SRGAP2C: variants seen among roughly 807,000 people sequenced by gnomAD.
SRGAP2C encodes SLIT-ROBO Rho GTPase activating protein 2C.
In SRGAP2C, 15 loss-of-function variants were observed where a neutral mutation model predicts 25.1. The ratio of observed to expected loss-of-function variants is 0.60; its 90% CI spans 0.40 to 0.92. The LOEUF (loss-of-function observed/expected upper bound fraction) is 0.92, where lower values mean the gene tolerates loss of function less well. Among genes scored for constraint, SRGAP2C ranks in the 40% least tolerant of loss-of-function variants. The pLI, the probability that SRGAP2C is intolerant of heterozygous loss-of-function variation, is 0.00. For missense variants in SRGAP2C, 144 were observed against 264.4 expected (o/e 0.54, Z 3.16); for synonymous variants, 44 against 96.6 (o/e 0.46, Z 3.19).
At chr1:121,277,400 G>T (rs1657130106) in intron 2 of SRGAP2C, among the ~76,000 whole-genome samples, 1 of 151,758 alleles carries the variant, frequency 6.6e-6, no homozygotes, top group Admixed American at 6.6e-5. Context: ...TCTTTTTTAT[G>T]TATCTTTTAT....
intron 2 of SRGAP2C, among the ~76,000 whole-genome samples, chr1:121,276,970 AT>A (rs1188609739): frequency 3.8e-5 from 2 of 52,616 alleles, no homozygotes; most frequent in Non-Finnish European, 7.6e-5. Flanking sequence ...TCCTGACCTC[AT>A]GATCTGCCTG....
At chr1:121,228,938 G>C (rs1308855538) in intron 2 of SRGAP2C, among the ~76,000 whole-genome samples, 2 of 151,910 alleles carry the variant, frequency 1.3e-5, no homozygotes, top group Admixed American at 1.3e-4. Context: ...AGAGCAGCCT[G>C]GTCCTTAATT....
intron 2 of SRGAP2C, among the ~76,000 whole-genome samples, chr1:121,272,454 C>A (rs1388749938): frequency 9.2e-5 from 14 of 151,502 alleles, no homozygotes; most frequent in African/African-American, 3.4e-4. Flanking sequence ...TAGATGATGG[C>A]ATGGACTTTT....
chr1:121,292,257 A>G (rs1424112503), intron 3 of SRGAP2C, among the ~76,000 whole-genome samples: 7 of 149,980 alleles, frequency 4.7e-5, no homozygotes, highest in African/African-American at 1.5e-4. Flanking sequence ...ATGCAACATT[A>G]GTAACAGCAC....
intron 2 of SRGAP2C, among the ~76,000 whole-genome samples, chr1:121,216,327 G>A (rs1364637726): frequency 5.3e-5 from 8 of 152,114 alleles, no homozygotes; most frequent in South Asian, 4.1e-4. Flanking sequence ...TCTCATTGGG[G>A]TTAGGTTTCC....
At position 121,365,142 on chromosome 1, in the gene SRGAP2C, G is replaced by T. The variant is rs1553349305; in HGVS notation, c.424-151G>T. The stretch of plus-strand genomic sequence containing the variant: ...CTTTGAGTAATCTGACCATAATTGG[G>T]TCTGATTGGAGTGGTTATCTGATTT... On this transcript the variant is annotated intron_variant, in intron 4 of 9. Coordinates refer to ENST00000367123, the MANE Select transcript of SRGAP2C (RefSeq NM_001329984.2). 2.4e-5 allele frequency among the ~76,000 whole-genome samples: 2 copies of T among 83,168 alleles called. 1 individual carries two copies. The highest frequency in any genetic ancestry group is 5.0e-5 in the Non-Finnish European group (2 of 40,144). 54.6% of individuals were successfully genotyped at this position (83,168 alleles called of 152,430 possible). A position where few individuals can be genotyped will look rare whatever the true frequency, so the allele number is the denominator to read the frequency against.
intron 4 of SRGAP2C, among the ~76,000 whole-genome samples, chr1:121,339,242 G>T (rs1358195580): frequency 2.8e-5 from 4 of 143,678 alleles, no homozygotes. Context: ...TGGTTCTTTG[G>T]CTATGTTGTC....
chr1:121,335,129 C>A (rs1313419548), intron 4 of SRGAP2C, among the ~76,000 whole-genome samples: 1 of 149,740 alleles, frequency 6.7e-6, no homozygotes, highest in Non-Finnish European at 1.5e-5. Flanking sequence ...CCCGTCTCTA[C>A]TAAAAATACA....
intron 2 of SRGAP2C, among the ~76,000 whole-genome samples, chr1:121,211,561 G>T (rs1460607125): frequency 6.7e-5 from 10 of 150,116 alleles, no homozygotes; most frequent in Admixed American, 6.6e-4. Context: ...AAGAAAAAAG[G>T]TTTCTCTGCT....
intron 3 of SRGAP2C, among the ~76,000 whole-genome samples, chr1:121,314,006 T>C (rs1658029860): frequency 7.4e-6 from 1 of 135,216 alleles, no homozygotes; most frequent in African/African-American, 2.8e-5. Flanking sequence ...TCCTGGATAA[T>C]ATCCTGCAGA....
At position 121,374,823 on chromosome 1, in the gene SRGAP2C, C is replaced by T. The variant is rs781942655; in HGVS notation, c.703-3C>T. Reference sequence around the variant, plus strand: ...TAAAAGTGAACTTCTGTTTCCTTTTCAGCACCAAGCCAAGTACACGGAGAA... The same window carrying T: ...TAAAAGTGAACTTCTGTTTCCTTTTTAGCACCAAGCCAAGTACACGGAGAA... On this transcript the variant is annotated splice_region_variant and splice_polypyrimidine_tract_variant and intron_variant, in intron 6 of 9. Coordinates refer to ENST00000367123, the MANE Select transcript of SRGAP2C (RefSeq NM_001329984.2). 2 of 761,458 alleles carry T rather than the reference C, an allele frequency of 2.6e-6. No individual in the cohort carries two copies. The highest frequency in any genetic ancestry group is 4.5e-4 in the Middle Eastern group (2 of 4,396). The allele number at this position is 761,458 out of a possible 1,614,324, so 47.2% of individuals were successfully genotyped here.
chr1:121,335,884 T>C (rs1389240070), intron 4 of SRGAP2C, among the ~76,000 whole-genome samples: 2 of 152,084 alleles, frequency 1.3e-5, no homozygotes, highest in East Asian at 3.9e-4. Flanking sequence ...TAATATGTCA[T>C]AGAAACTCTA....
chr1:121,335,391 A>AAAT lies in SRGAP2C; in HGVS notation c.423+10751_423+10752insAAT, dbSNP rs1658492086. On this transcript the variant is annotated intron_variant, in intron 4 of 9. Transcript: ENST00000367123. ...ATAAATAAATAAATAAATAAATAAA[A>AAAT]CAACCAATTCTTTCTTTTGTTCACC... 1.8e-3 allele frequency among the ~76,000 whole-genome samples: 237 copies of AAAT among 135,394 alleles called. 3 individuals are homozygous for AAAT. The highest frequency in any genetic ancestry group is 2.9e-3 in the Non-Finnish European group (184 of 63,872). 88.8% of individuals were successfully genotyped at this position (135,394 alleles called of 152,430 possible).
At chr1:121,263,238 C>T (rs1455404810) in intron 2 of SRGAP2C, among the ~76,000 whole-genome samples, 1 of 150,564 alleles carries the variant, frequency 6.6e-6, no homozygotes, top group Non-Finnish European at 1.5e-5. Context: ...GCATGGGAAT[C>T]GCTTGAGCCC....
intron 4 of SRGAP2C, among the ~76,000 whole-genome samples, chr1:121,336,125 G>A (rs1658510184): frequency 6.6e-6 from 1 of 152,130 alleles, no homozygotes; most frequent in African/African-American, 2.4e-5. Context: ...GGCAGGCTTT[G>A]AATGCCAAAT....
At chr1:121,321,763 A>G (rs1398091638) in intron 3 of SRGAP2C, among the ~76,000 whole-genome samples, 4 of 151,930 alleles carry the variant, frequency 2.6e-5, no homozygotes, top group African/African-American at 9.7e-5. Flanking sequence ...AAAGATTTCT[A>G]CTTCCAGCCA....
chr1:121,238,194 T>A (rs1553329047), intron 2 of SRGAP2C, among the ~76,000 whole-genome samples: 1 of 145,080 alleles, frequency 6.9e-6, no homozygotes, highest in Non-Finnish European at 1.5e-5. Context: ...GGTGACAAAA[T>A]CCAAAGTTAG....
intron 2 of SRGAP2C, among the ~76,000 whole-genome samples, chr1:121,216,240 A>G (rs1553324649): frequency 2.0e-5 from 3 of 151,998 alleles, no homozygotes; most frequent in Admixed American, 2.0e-4. Flanking sequence ...GGGGGCAGAG[A>G]GCTGCTCATG....
Position 121,259,359 on chromosome 1 carries a change from A to G in SRGAP2C, c.68-25444A>G, listed in dbSNP as rs1656556635. 4.2e-5 allele frequency among the ~76,000 whole-genome samples: 6 copies of G among 143,986 alleles called. No individual in the cohort carries two copies. In the South Asian group the frequency reaches 1.3e-3, roughly 32 times the overall value. The allele number at this position is 143,986 out of a possible 152,430, so 94.5% of individuals were successfully genotyped here. ...AGCCGGCATGGTGGCGCACGCTTGT[A>G]ATCCCAGCTACTTGGGAAGCTGAGG... On this transcript the variant is annotated intron_variant, in intron 2 of 9. Transcript: ENST00000367123.
Sources: gnomAD v4.1 joint callset for allele counts (sites outside exome capture counted in the v4.1 genomes callset) on GRCh38, gnomAD v4.1.1 for gene constraint, MANE v1.5 for transcripts, NCBI Gene and HGNC (gene_info 2026-07-23, HGNC 2026-07-21) for gene names.